Variants in NEIL3 observed in about 807,000 individuals in gnomAD.
The protein encoded by NEIL3 is nei like DNA glycosylase 3.
A neutral mutation model predicts 57.5 loss-of-function variants in NEIL3; 48 were observed. The ratio of observed to expected loss-of-function variants is 0.83; its 90% CI spans 0.66 to 1.06. The LOEUF is 1.06. Among genes scored for constraint, NEIL3 ranks in the 50% least tolerant of loss-of-function variants. NEIL3 has a pLI of 0.00. For synonymous variants in NEIL3, 261 were observed against 253.2 expected, an observed-to-expected ratio of 1.03 and a Z score of -0.29; for missense variants, 717 against 739.1, an observed-to-expected ratio of 0.97 and a Z score of 0.35.
Position 177,309,883 on chromosome 4 carries a change from G to T in NEIL3, c.-71G>T, listed in dbSNP as rs1339503393. ...TCCTCTGCGTGCGGTCAGTGCCCGC[G>T]CAGCGTTGAGTTGCACAGCGGTATT... On this transcript the variant is annotated 5_prime_UTR_variant, in exon 1 of 10. Coordinates refer to ENST00000264596, the MANE Select transcript of NEIL3 (RefSeq NM_018248.3). 43 of 1,532,846 alleles carry T rather than the reference G, an allele frequency of 2.8e-5. No homozygotes were observed. The Middle Eastern group carries it at 7.0e-4, about 25-fold the overall frequency. 95.0% of individuals were successfully genotyped at this position (1,532,846 alleles called of 1,614,324 possible).
rs773941010 is a variant in NEIL3, at chr4:177,341,588, T to C, written c.815T>C (p.Met272Thr). Residue 272 changes from methionine to threonine, a missense_variant, in exon 6 of 10, where the codon ATG (methionine) becomes ACG (threonine). Transcript: ENST00000264596. ...TGCCGCTTTGGGGACAATAACAGAA[T>C]GACATATTTCTGTCCTCACTGTCAA... is the stretch of plus-strand genomic sequence containing the variant. ...TVCRFGDNNR[M>T]TYFCPHCQKE... 3.1e-6 allele frequency: 5 copies of C among 1,613,780 alleles called. No homozygotes were observed. Among genetic ancestry groups the C allele is most frequent in the Non-Finnish European group, 4.2e-6 (5 of 1,179,870 alleles).
intron 6 of NEIL3, among the ~76,000 whole-genome samples, chr4:177,347,371 C>T (rs1735244699): frequency 6.6e-6 from 1 of 152,130 alleles, no homozygotes; most frequent in African/African-American, 2.4e-5. Flanking sequence ...GTCGGCTTGG[C>T]CAAGGCAAGT....
chr4:177,322,339 T>A, intron 1 of NEIL3, 120 bp from the exon 2 acceptor site: 14 of 1,282,428 alleles, frequency 1.1e-5, no homozygotes, highest in African/African-American at 1.5e-5. Context: ...TGGAGATTAT[T>A]CTTCTCATTG....
chr4:177,323,918 A>G (rs927940537), intron 2 of NEIL3, among the ~76,000 whole-genome samples: 1 of 152,174 alleles, frequency 6.6e-6, no homozygotes, highest in African/African-American at 2.4e-5. Flanking sequence ...TCATTGAACT[A>G]GTGCCCTCCC....
chr4:177,360,434 G>A, intron 8 of NEIL3, 69 bp from the exon 9 acceptor site: 1 of 1,090,704 alleles, frequency 9.2e-7, no homozygotes, highest in East Asian at 2.6e-5. Flanking sequence ...CTGACATGTG[G>A]GGGTAAAGTG....
chr4:177,323,986 A>G (rs1214275276), intron 2 of NEIL3, among the ~76,000 whole-genome samples: 1 of 152,170 alleles, frequency 6.6e-6, no homozygotes, highest in Non-Finnish European at 1.5e-5. Context: ...GCTTCCTTTC[A>G]GTTTCCTGCA....
chr4:177,342,532 T>G lies in NEIL3; in HGVS notation c.869+890T>G, dbSNP rs528527896. The stretch of plus-strand genomic sequence containing the variant: ...CCAGTATGACATGAAGCACAAAAAA[T>G]GCTGCATGGGTTCAGGGATATTAGA... On this transcript the variant is annotated intron_variant, in intron 6 of 9. Coordinates refer to ENST00000264596, the MANE Select transcript of NEIL3 (RefSeq NM_018248.3). 2.0e-5 allele frequency among the ~76,000 whole-genome samples: 3 copies of G among 152,288 alleles called. No homozygotes were observed. The South Asian group carries it at 6.2e-4, about 32-fold the overall frequency.
At chr4:177,346,535 T>G (rs1244873934) in intron 6 of NEIL3, among the ~76,000 whole-genome samples, 1 of 152,162 alleles carries the variant, frequency 6.6e-6, no homozygotes, top group East Asian at 1.9e-4. Flanking sequence ...TTCTTCTGCC[T>G]CTCTTTCATG....
At chr4:177,331,973 A>G (rs1329168815) in intron 2 of NEIL3, among the ~76,000 whole-genome samples, 3 of 152,182 alleles carry the variant, frequency 2.0e-5, no homozygotes, top group Non-Finnish European at 4.4e-5. Flanking sequence ...CATCTTGCAT[A>G]TTCATGTCAC....
At chr4:177,341,681 C>T in intron 6 of NEIL3, 39 bp downstream of exon 6, 1 of 1,539,300 alleles carries the variant, frequency 6.5e-7, no homozygotes, top group Non-Finnish European at 8.9e-7. Flanking sequence ...TTTGCCCTAA[C>T]CATCTAACTA....
In NEIL3 at chr4:177,342,208, G is replaced by A. The variant is rs74526812; in HGVS notation, c.869+566G>A. On this transcript the variant is annotated intron_variant, in intron 6 of 9. Coordinates refer to ENST00000264596, the MANE Select transcript of NEIL3 (RefSeq NM_018248.3). ...TTGATCACCTGACCAGACTGGTGGT[G>A]GATCACAGTGATATTTTTGTCTCCT... Among the ~76,000 whole-genome samples, 76 of 152,278 alleles carry A rather than the reference G, an allele frequency of 5.0e-4. 2 individuals carry two copies. The East Asian group carries it at 0.013, about 25-fold the overall frequency.
Position 177,351,538 on chromosome 4 carries a change from C to T in NEIL3, c.1028C>T (p.Ser343Leu), listed in dbSNP as rs1200663707. ...AAGGCATGTGATGCTTGCTTGACCT[C>T]AAGGCCTATTGGTAAGACTGAATTT... ...SSKACDACLTSRPIDSVLKSE... is the reference protein window; with the variant it reads ...SSKACDACLTLRPIDSVLKSE... The change falls in exon 7 of 10, where the codon TCA (serine) becomes TTA (leucine). Residue 343 changes from serine (S) to leucine (L), a missense_variant. Coordinates refer to ENST00000264596, the MANE Select transcript of NEIL3 (RefSeq NM_018248.3). 1.9e-6 allele frequency: 3 copies of T among 1,611,384 alleles called. No individual in the cohort carries two copies. The East Asian group carries it at 6.7e-5, about 36-fold the overall frequency.
chr4:177,354,882 T>C (rs546885893), intron 8 of NEIL3, among the ~76,000 whole-genome samples: 2 of 152,332 alleles, frequency 1.3e-5, no homozygotes, highest in South Asian at 4.1e-4. Context: ...AGCAGATATA[T>C]TTTATAGGAC....
At chr4:177,320,452 G>A (rs921046696) in intron 1 of NEIL3, among the ~76,000 whole-genome samples, 1 of 143,694 alleles carries the variant, frequency 7.0e-6, no homozygotes. Flanking sequence ...TGCAGAACAG[G>A]AAGTGACTGC....
intron 6 of NEIL3, among the ~76,000 whole-genome samples, chr4:177,342,426 T>G (rs1004444452): frequency 2.6e-5 from 4 of 152,234 alleles, no homozygotes; most frequent in African/African-American, 7.2e-5. Flanking sequence ...ATAAAGCAGC[T>G]GCATAGCAGT....
At chr4:177,334,293 A>T (rs1237221165) in intron 2 of NEIL3, among the ~76,000 whole-genome samples, 1 of 152,174 alleles carries the variant, frequency 6.6e-6, no homozygotes. Context: ...TTGGGGCTCA[A>T]TTATAATATC....
intron 6 of NEIL3, among the ~76,000 whole-genome samples, chr4:177,349,883 A>G (rs963198191): frequency 6.6e-6 from 1 of 152,226 alleles, no homozygotes; most frequent in Non-Finnish European, 1.5e-5. Flanking sequence ...TGGAAAATCT[A>G]AAAGTCATTT....
intron 1 of NEIL3, among the ~76,000 whole-genome samples, chr4:177,312,630 C>T (rs939588223): frequency 6.6e-6 from 1 of 151,994 alleles, no homozygotes; most frequent in Non-Finnish European, 1.5e-5. Context: ...CACTTGGCAG[C>T]AATATTCAAT....
chr4:177,326,946 A>G (rs1734791912), intron 2 of NEIL3, among the ~76,000 whole-genome samples: 1 of 152,076 alleles, frequency 6.6e-6, no homozygotes, highest in Non-Finnish European at 1.5e-5. Flanking sequence ...TTCATCTTGA[A>G]TTGTAATTCC....
Sources: allele counts gnomAD v4.1 joint callset (sites outside exome capture counted in the v4.1 genomes callset), GRCh38; gene constraint gnomAD v4.1.1; transcripts MANE v1.5; gene names NCBI Gene and HGNC (gene_info 2026-07-23, HGNC 2026-07-21).